TEAD4: variants seen among roughly 807,000 people sequenced by gnomAD.
The protein encoded by TEAD4 is TEA domain transcription factor 4, also known as transcriptional enhancer factor TEF-3.
Under a neutral mutation model 52.4 loss-of-function variants are expected in TEAD4, and 36 were observed. That is an observed-to-expected ratio of 0.69 (90% CI 0.53 to 0.91). The LOEUF is 0.91. Among genes scored for constraint, TEAD4 ranks in the 40% least tolerant of loss-of-function variants. The pLI is 0.00. For missense variants in TEAD4, 508 were observed against 583.9 expected (o/e 0.87, Z 1.34); for synonymous variants, 220 against 231.0 (o/e 0.95, Z 0.43).
chr12:2,999,744 C>G (rs886720805), intron 3 of TEAD4, among the ~76,000 whole-genome samples: 2 of 152,194 alleles, frequency 1.3e-5, no homozygotes, highest in African/African-American at 4.8e-5. Flanking sequence ...GTCGGCCTAG[C>G]CTAGCGTGCA....
chr12:2,975,356 C>CATTATT (rs58872768), intron 2 of TEAD4, among the ~76,000 whole-genome samples: 23 of 148,180 alleles, frequency 1.6e-4, no homozygotes, highest in African/African-American at 4.6e-4. Context: ...AATATCGGCA[C>CATTATT]ATTATTATTA....
chr12:2,976,029 A>T (rs1190289468), intron 2 of TEAD4, among the ~76,000 whole-genome samples: 2 of 148,292 alleles, frequency 1.3e-5, no homozygotes, highest in East Asian at 4.0e-4. Context: ...TTTTTGAGAC[A>T]AAGTCTTGCT....
At chr12:3,018,643 C>G (rs537892409) in intron 7 of TEAD4, 55 bp downstream of exon 7, 31 of 1,610,692 alleles carry the variant, frequency 1.9e-5, no homozygotes, top group Non-Finnish European at 2.6e-5. Context: ...GAACTTGAAC[C>G]CATAAACTCA....
At chr12:3,039,078 T>C (rs2098281159) in intron 11 of TEAD4, among the ~76,000 whole-genome samples, 1 of 152,202 alleles carries the variant, frequency 6.6e-6, no homozygotes, top group Non-Finnish European at 1.5e-5. Flanking sequence ...TCATGCCAAA[T>C]GCAGCCAGAT....
rs1260759851 is a variant in TEAD4, at chr12:3,035,717, G to T, written c.898-2251G>T. ...TGCCTATAATCCTGGCTACTCAGGA[G>T]GCTGAGGTGGGAAGACTGCTTGAAT... is the stretch of plus-strand genomic sequence containing the variant. On this transcript the variant is annotated intron_variant, in intron 10 of 12. Coordinates refer to ENST00000359864, the MANE Select transcript of TEAD4 (RefSeq NM_003213.4). 2.6e-5 allele frequency among the ~76,000 whole-genome samples: 4 copies of T among 151,948 alleles called. No individual in the cohort carries two copies. In the South Asian group the frequency reaches 8.3e-4, roughly 32 times the overall value.
intron 10 of TEAD4, 75 bp from the exon 11 acceptor site, chr12:3,037,893 C>G: frequency 6.5e-7 from 1 of 1,544,976 alleles, no homozygotes; most frequent in Non-Finnish European, 8.8e-7. Context: ...GACCGGGACC[C>G]TGAGGTCTCC....
intron 10 of TEAD4, among the ~76,000 whole-genome samples, chr12:3,035,918 C>T (rs1481849563): frequency 6.6e-6 from 1 of 152,038 alleles, no homozygotes; most frequent in African/African-American, 2.4e-5. Context: ...AGACCTTCGG[C>T]CAGTCACAGC....
chr12:2,996,810 G>T (rs2098247605), intron 3 of TEAD4, among the ~76,000 whole-genome samples: 1 of 152,084 alleles, frequency 6.6e-6, no homozygotes, highest in Non-Finnish European at 1.5e-5. Flanking sequence ...CCGCCCCGTG[G>T]GTTAAAGTGA....
intron 2 of TEAD4, among the ~76,000 whole-genome samples, chr12:2,989,057 CCTATAG>C (rs2098241001): frequency 1.3e-5 from 2 of 152,106 alleles, no homozygotes. Flanking sequence ...AGGAACCCCA[CCTATAG>C]CTGGTGGGTC....
chr12:3,003,973 C>T (rs11613745), intron 3 of TEAD4, among the ~76,000 whole-genome samples: 10,248 of 152,340 alleles, frequency 0.067, 428 homozygotes, highest in Non-Finnish European at 0.099. Flanking sequence ...CCTTCTTTGC[C>T]GGCCTTCACT....
intron 2 of TEAD4, among the ~76,000 whole-genome samples, chr12:2,965,906 G>A (rs2098219871): frequency 6.6e-6 from 1 of 152,050 alleles, no homozygotes; most frequent in African/African-American, 2.4e-5. Context: ...CTGTCACCCA[G>A]GATGGAGTGC....
intron 8 of TEAD4, among the ~76,000 whole-genome samples, chr12:3,019,625 C>A (rs1442515593): frequency 6.6e-6 from 1 of 152,168 alleles, no homozygotes; most frequent in African/African-American, 2.4e-5. Flanking sequence ...CTGACAGGAG[C>A]CCCCACCCCG....
At chr12:3,001,202 G>A (rs1448060435) in intron 3 of TEAD4, among the ~76,000 whole-genome samples, 4 of 152,166 alleles carry the variant, frequency 2.6e-5, no homozygotes, top group Non-Finnish European at 4.4e-5. Context: ...ACCTTTGTGG[G>A]AGGTGATTTG....
intron 2 of TEAD4, among the ~76,000 whole-genome samples, chr12:2,983,065 G>T (rs570012751): frequency 4.6e-5 from 7 of 152,076 alleles, no homozygotes; most frequent in Non-Finnish European, 8.8e-5. Context: ...GGCCTCCACC[G>T]CACCCTCCAC....
chr12:3,026,137 T>C (rs75186071), intron 10 of TEAD4, among the ~76,000 whole-genome samples: 169 of 152,318 alleles, frequency 1.1e-3, no homozygotes, highest in African/African-American at 3.9e-3. Flanking sequence ...TTCCCTCTGT[T>C]TTCTGTTTTC....
rs1313135032 is a variant in TEAD4, at chr12:2,959,796, C to T, written c.-122-152C>T. ...CCGTCAGTCCCATTCTGGGAAAACT[C>T]CTCCCTCCGCGCGCTCCGCTCCGCT... On this transcript the variant is annotated intron_variant, in intron 1 of 12. Coordinates refer to ENST00000359864, the MANE Select transcript of TEAD4 (RefSeq NM_003213.4). The surrounding 1 kb of genome is among the most constrained non-coding windows in gnomAD (Gnocchi z 5.1). The T allele has an allele frequency of 1.3e-5, 2 of 151,302 alleles. No individual in the cohort carries two copies. The highest frequency in any genetic ancestry group is 2.9e-5 in the Non-Finnish European group (2 of 67,806). 9.4% of individuals were successfully genotyped at this position (151,302 alleles called of 1,614,324 possible).
intron 2 of TEAD4, among the ~76,000 whole-genome samples, chr12:2,980,302 C>T (rs994718873): frequency 6.6e-6 from 1 of 152,078 alleles, no homozygotes. Context: ...AAGAGGTCTT[C>T]GTGTCTGCAG....
At chr12:3,011,126 C>T in intron 4 of TEAD4, 58 bp downstream of exon 4, 1 of 1,597,322 alleles carries the variant, frequency 6.3e-7, no homozygotes, top group Non-Finnish European at 8.6e-7. Context: ...CCAGTCTGCT[C>T]CCAAGGTGGG....
intron 3 of TEAD4, among the ~76,000 whole-genome samples, chr12:3,001,512 C>G (rs2098251684): frequency 6.6e-6 from 1 of 152,242 alleles, no homozygotes; most frequent in African/African-American, 2.4e-5. Flanking sequence ...TGGCTCACGC[C>G]TGTAATCCCA....
Sources: allele counts gnomAD v4.1 joint callset (sites outside exome capture counted in the v4.1 genomes callset), GRCh38; gene constraint gnomAD v4.1.1; non-coding constraint Gnocchi (gnomAD v3.1); transcripts MANE v1.5; gene names NCBI Gene and HGNC (gene_info 2026-07-23, HGNC 2026-07-21).